The following KCNQ5 variants were observed in gnomAD, a reference collection of about 807,000 sequenced individuals.
KCNQ5 encodes the protein potassium voltage-gated channel subfamily Q member 5.
KCNQ5 carries 30 observed loss-of-function variants against 98.2 expected under a neutral mutation model. That is an observed-to-expected ratio of 0.31 (90% CI 0.23 to 0.41). The LOEUF (loss-of-function observed/expected upper bound fraction) is 0.41. Ranked by LOEUF, KCNQ5 falls within the 10% of genes least tolerant of loss-of-function variation. The probability of loss-of-function intolerance (pLI) is 1.00; values close to 1 mark genes in which losing one functional copy is unlikely to be tolerated. For synonymous variants in KCNQ5, 458 were observed against 449.4 expected (o/e 1.02, Z -0.24); for missense variants, 835 against 1,182.5 (o/e 0.71, Z 4.31).
intron 1 of KCNQ5, among the ~76,000 whole-genome samples, chr6:72,925,485 C>A (rs896050511): frequency 1.3e-5 from 2 of 152,160 alleles, no homozygotes; most frequent in Non-Finnish European, 2.9e-5. Context: ...TCAAATATTT[C>A]TTAATTGAGT....
At chr6:72,987,933 CA>C (rs1191843527) in intron 1 of KCNQ5, among the ~76,000 whole-genome samples, 1 of 152,096 alleles carries the variant, frequency 6.6e-6, no homozygotes, top group Admixed American at 6.5e-5. Context: ...GTGGGTTATT[CA>C]GTTGTGCTGA....
rs1554198957 is a variant in KCNQ5, at chr6:73,024,381, T to TGATAGATAGATAGATAGATTAGATA, written c.490-17536_490-17535insTAGATAGATAGATAGATAGATAGAT. Among the ~76,000 whole-genome samples the TGATAGATAGATAGATAGATTAGATA allele has an allele frequency of 3.6e-4, 44 of 120,652 alleles. No homozygotes were observed. In the East Asian group the frequency reaches 7.1e-3, roughly 20 times the overall value. The allele number at this position is 120,652 out of a possible 152,430, so 79.2% of individuals were successfully genotyped here. A position where few individuals can be genotyped will look rare whatever the true frequency, so the allele number is the denominator to read the frequency against. On this transcript the variant is annotated intron_variant, in intron 2 of 13. Coordinates refer to ENST00000370398, the MANE Select transcript of KCNQ5 (RefSeq NM_019842.4). ...TGAAAGCGATAGATAGATAGATAGA[T>TGATAGATAGATAGATAGATTAGATA]GATAGATAGATAGATAGATAGATAG...
At chr6:73,105,441 C>A (rs997089331) in intron 6 of KCNQ5, 74 bp downstream of exon 6, 1 of 833,394 alleles carries the variant, frequency 1.2e-6, no homozygotes, top group South Asian at 2.1e-5. Context: ...CTCACAAATT[C>A]GTATGCTTGG....
chr6:73,189,005 A>G (rs968677703), intron 11 of KCNQ5, among the ~76,000 whole-genome samples: 1 of 143,670 alleles, frequency 7.0e-6, no homozygotes, highest in African/African-American at 2.6e-5. Flanking sequence ...AAAAAAAAAA[A>G]GACATCTATG....
chr6:72,651,555 T>G (rs1765876779), intron 1 of KCNQ5, among the ~76,000 whole-genome samples: 1 of 152,118 alleles, frequency 6.6e-6, no homozygotes, highest in South Asian at 2.1e-4. Context: ...GTTAAATTGT[T>G]GGACAAAAAT....
At chr6:73,175,460 C>A (rs1435278386) in intron 11 of KCNQ5, among the ~76,000 whole-genome samples, 1 of 152,078 alleles carries the variant, frequency 6.6e-6, no homozygotes, top group East Asian at 1.9e-4. Flanking sequence ...TCTAGAAGAG[C>A]AATTTTTTCA....
At chr6:72,765,953 C>T (rs1014102329) in intron 1 of KCNQ5, among the ~76,000 whole-genome samples, 2 of 152,004 alleles carry the variant, frequency 1.3e-5, no homozygotes, top group African/African-American at 4.8e-5. Flanking sequence ...CAAATATTAA[C>T]TAATGATCTA....
intron 1 of KCNQ5, among the ~76,000 whole-genome samples, chr6:72,895,282 C>A (rs1254025543): frequency 2.7e-5 from 4 of 147,000 alleles, no homozygotes; most frequent in Admixed American, 6.8e-5. Flanking sequence ...GAGCGAGACT[C>A]GGTCTCAAAA....
At chr6:73,099,490 T>C (rs542524232) in intron 5 of KCNQ5, among the ~76,000 whole-genome samples, 1 of 151,924 alleles carries the variant, frequency 6.6e-6, no homozygotes, top group Non-Finnish European at 1.5e-5. Flanking sequence ...AAAAAAGATA[T>C]CCCATGCAAA....
intron 1 of KCNQ5, among the ~76,000 whole-genome samples, chr6:72,952,127 A>T (rs1025196327): frequency 6.6e-6 from 1 of 152,236 alleles, no homozygotes; most frequent in Non-Finnish European, 1.5e-5. Context: ...GCAAAGAAGG[A>T]TTCAGTAAGA....
At chr6:72,858,702 T>A (rs1179954770) in intron 1 of KCNQ5, among the ~76,000 whole-genome samples, 1 of 152,126 alleles carries the variant, frequency 6.6e-6, no homozygotes, top group Non-Finnish European at 1.5e-5. Flanking sequence ...TTCTTATATA[T>A]AGCATTCTCT....
chr6:72,666,227 A>C (rs891817332), intron 1 of KCNQ5, among the ~76,000 whole-genome samples: 1 of 46,178 alleles, frequency 2.2e-5, no homozygotes, highest in African/African-American at 3.6e-5. Context: ...ATAAATAAAG[A>C]GAGATATACA....
chr6:72,928,816 T>C (rs1765557616), intron 1 of KCNQ5, among the ~76,000 whole-genome samples: 1 of 152,104 alleles, frequency 6.6e-6, no homozygotes, highest in Non-Finnish European at 1.5e-5. Context: ...CTAGCACAGT[T>C]CTCTACTCTG....
intron 1 of KCNQ5, among the ~76,000 whole-genome samples, chr6:72,789,875 C>T (rs751182356): frequency 3.3e-5 from 5 of 152,084 alleles, no homozygotes; most frequent in South Asian, 2.1e-4. Flanking sequence ...TTTTGGAGGC[C>T]GAGTGGAAAG....
chr6:72,762,503 T>C (rs1772341289), intron 1 of KCNQ5, among the ~76,000 whole-genome samples: 1 of 152,082 alleles, frequency 6.6e-6, no homozygotes, highest in Non-Finnish European at 1.5e-5. Flanking sequence ...AGGTGGATCG[T>C]GTATCATTTT....
At chr6:73,150,802 T>G (rs956400600) in intron 10 of KCNQ5, among the ~76,000 whole-genome samples, 1 of 138,546 alleles carries the variant, frequency 7.2e-6, no homozygotes, top group Non-Finnish European at 1.5e-5. Context: ...CTGTATACAT[T>G]AATGTAGTGT....
At chr6:73,130,009 G>T (rs1441054805) in intron 9 of KCNQ5, among the ~76,000 whole-genome samples, 1 of 152,160 alleles carries the variant, frequency 6.6e-6, no homozygotes. Flanking sequence ...AATTTTCCTT[G>T]TTGCCTGTTG....
intron 1 of KCNQ5, among the ~76,000 whole-genome samples, chr6:72,935,132 G>A (rs1043224745): frequency 1.6e-4 from 23 of 144,130 alleles, no homozygotes; most frequent in Admixed American, 1.2e-3. Context: ...GTGCAATGGC[G>A]TGATCTTGGC....
At chr6:72,801,352 G>A (rs1216779184) in intron 1 of KCNQ5, among the ~76,000 whole-genome samples, 3 of 140,220 alleles carry the variant, frequency 2.1e-5, no homozygotes, top group Non-Finnish European at 4.6e-5. Flanking sequence ...AGCTCTTCTT[G>A]TTGAATTGAT....
Sources: gnomAD v4.1 joint callset for allele counts (sites outside exome capture counted in the v4.1 genomes callset) on GRCh38, gnomAD v4.1.1 for gene constraint, MANE v1.5 for transcripts, NCBI Gene and HGNC (gene_info 2026-07-23, HGNC 2026-07-21) for gene names.